The following ZNF385B variants were observed in gnomAD, a reference collection of about 807,000 sequenced individuals.
ZNF385B encodes zinc finger protein 385B, also known as zinc finger protein 533.
A neutral mutation model predicts 39.2 loss-of-function variants in ZNF385B; 23 were observed. The observed-to-expected ratio is 0.59, with a 90% CI of 0.42 to 0.83. The LOEUF is 0.83. ZNF385B is among the 40% of genes least tolerant of loss of function. The pLI is 0.00. For synonymous variants in ZNF385B, 205 were observed against 222.6 expected, an observed-to-expected ratio of 0.92 and a Z score of 0.70; for missense variants, 552 against 598.9, an observed-to-expected ratio of 0.92 and a Z score of 0.82.
chr2:179,696,325 A>G (rs983640308), intron 3 of ZNF385B, among the ~76,000 whole-genome samples: 1 of 9,836 alleles, frequency 1.0e-4, no homozygotes, highest in Non-Finnish European at 2.6e-4. Flanking sequence ...ACAAACTGGG[A>G]CTTTTTTTTT....
chr2:179,562,667 A>G (rs1219982411), intron 3 of ZNF385B: 1 of 841,202 alleles, frequency 1.2e-6, no homozygotes, highest in Admixed American at 6.2e-5. Flanking sequence ...ATATATCCTA[A>G]AAGACTGACA....
At chr2:179,642,864 T>G (rs1040886238) in intron 3 of ZNF385B, among the ~76,000 whole-genome samples, 1 of 152,166 alleles carries the variant, frequency 6.6e-6, no homozygotes, top group Non-Finnish European at 1.5e-5. Flanking sequence ...AGTAAACCTA[T>G]TTTGAATATT....
intron 3 of ZNF385B, among the ~76,000 whole-genome samples, chr2:179,634,909 C>T (rs1041080526): frequency 2.7e-5 from 4 of 148,920 alleles, no homozygotes; most frequent in African/African-American, 1.0e-4. Flanking sequence ...GCAGGCAGAT[C>T]ACAAGGTCAG....
At chr2:179,649,094 A>G (rs1692988501) in intron 3 of ZNF385B, among the ~76,000 whole-genome samples, 1 of 152,216 alleles carries the variant, frequency 6.6e-6, no homozygotes, top group African/African-American at 2.4e-5. Flanking sequence ...CATCATTTTC[A>G]TGATATTCCT....
intron 5 of ZNF385B, among the ~76,000 whole-genome samples, chr2:179,488,421 G>A (rs569175934): frequency 1.3e-5 from 2 of 152,348 alleles, no homozygotes; most frequent in East Asian, 3.9e-4. Flanking sequence ...TGGGATTACA[G>A]GCGAGAGCCA....
intron 3 of ZNF385B, among the ~76,000 whole-genome samples, chr2:179,609,719 C>T (rs975513614): frequency 2.0e-5 from 3 of 152,160 alleles, no homozygotes; most frequent in Non-Finnish European, 4.4e-5. Flanking sequence ...TCGCTTCTCT[C>T]CATATCCTTG....
chr2:179,640,230 T>C (rs951700357), intron 3 of ZNF385B, among the ~76,000 whole-genome samples: 4 of 152,164 alleles, frequency 2.6e-5, no homozygotes, highest in Non-Finnish European at 5.9e-5. Flanking sequence ...ATTGTAGCAA[T>C]TGAGGAAATG....
intron 3 of ZNF385B, among the ~76,000 whole-genome samples, chr2:179,720,448 G>C (rs1225524761): frequency 7.8e-6 from 1 of 128,834 alleles, no homozygotes; most frequent in East Asian, 2.4e-4. Context: ...CAGGGGAGAG[G>C]GGAGGGGAGG....
At chr2:179,827,199 C>G (rs1707726481) in intron 1 of ZNF385B, among the ~76,000 whole-genome samples, 1 of 152,116 alleles carries the variant, frequency 6.6e-6, no homozygotes, top group Admixed American at 6.6e-5. Context: ...AGAGCAAAGA[C>G]TAGTTCGTGT....
intron 1 of ZNF385B, among the ~76,000 whole-genome samples, chr2:179,853,942 A>G (rs938784670): frequency 2.0e-5 from 3 of 152,170 alleles, no homozygotes; most frequent in Admixed American, 6.5e-5. Flanking sequence ...GCTATTTCCC[A>G]TCTTCAATAG....
rs968514508 is a variant in ZNF385B at position 179,546,705 on chromosome 2, G to A, written c.299-1736C>T. ...AACTTGGGAGTGCAGATATGTGTTC[G>A]ATATACTGATTTTCTTTCTTTGGGG... On this transcript the variant is annotated intron_variant, in intron 3 of 9. Transcript: ENST00000410066. Among the ~76,000 whole-genome samples, 6 of 133,022 alleles carry A rather than the reference G, an allele frequency of 4.5e-5. 1 individual carries two copies. Among genetic ancestry groups the A allele is most frequent in the East Asian group, 1.9e-4 (1 of 5,172 alleles). The allele number at this position is 133,022 out of a possible 152,430, so 87.3% of individuals were successfully genotyped here.
At chr2:179,586,534 A>T (rs1410430464) in intron 3 of ZNF385B, among the ~76,000 whole-genome samples, 2 of 152,216 alleles carry the variant, frequency 1.3e-5, no homozygotes, top group African/African-American at 4.8e-5. Flanking sequence ...TAAGTGAAGA[A>T]TAGAAGCTGT....
chr2:179,855,237 G>T (rs549825665), intron 1 of ZNF385B, among the ~76,000 whole-genome samples: 9 of 152,268 alleles, frequency 5.9e-5, no homozygotes, highest in African/African-American at 2.2e-4. Flanking sequence ...AAGTTGATTA[G>T]CTTTTGCCTG....
intron 3 of ZNF385B, among the ~76,000 whole-genome samples, chr2:179,605,341 C>T (rs1688717406): frequency 6.6e-6 from 1 of 151,924 alleles, no homozygotes; most frequent in Non-Finnish European, 1.5e-5. Flanking sequence ...GGTTTATAAA[C>T]TAGCCTGAAA....
At chr2:179,583,548 T>C (rs913173502) in intron 3 of ZNF385B, among the ~76,000 whole-genome samples, 6 of 152,216 alleles carry the variant, frequency 3.9e-5, no homozygotes, top group Admixed American at 2.0e-4. Flanking sequence ...CTTAGGGTTA[T>C]ATGGCTCAGT....
At chr2:179,493,737 GTATACA>G (rs1227407656) in intron 5 of ZNF385B, among the ~76,000 whole-genome samples, 23 of 129,342 alleles carry the variant, frequency 1.8e-4, no homozygotes, top group Admixed American at 1.8e-3. Flanking sequence ...ATACATATAT[GTATACA>G]TATGTGTATA....
At chr2:179,597,925 C>T (rs996084392) in intron 3 of ZNF385B, among the ~76,000 whole-genome samples, 2 of 152,074 alleles carry the variant, frequency 1.3e-5, no homozygotes, top group African/African-American at 4.8e-5. Flanking sequence ...AAGTAAAAAT[C>T]ATCTTCACTA....
At chr2:179,456,625 GT>G (rs929399701) in intron 6 of ZNF385B, among the ~76,000 whole-genome samples, 4 of 152,058 alleles carry the variant, frequency 2.6e-5, no homozygotes, top group Non-Finnish European at 5.9e-5. Flanking sequence ...TGTTAAGTTG[GT>G]TGAACCATTG....
chr2:179,531,417 C>A (rs529626685), intron 4 of ZNF385B, among the ~76,000 whole-genome samples: 2 of 152,006 alleles, frequency 1.3e-5, no homozygotes, highest in South Asian at 2.1e-4. Context: ...GGGAGGATCA[C>A]CTGAGGTCAG....
Sources: allele counts gnomAD v4.1 joint callset (sites outside exome capture counted in the v4.1 genomes callset), GRCh38; gene constraint gnomAD v4.1.1; transcripts MANE v1.5; gene names NCBI Gene and HGNC (gene_info 2026-07-23, HGNC 2026-07-21).